The following ADGRF5 variants were observed in gnomAD, a reference collection of about 807,000 sequenced individuals.
ADGRF5 encodes the protein G-protein coupled receptor 116.
In ADGRF5, 75 loss-of-function variants were observed where a neutral mutation model predicts 132.3. The observed-to-expected ratio is 0.57, with a 90% confidence interval of 0.47 to 0.69. The LOEUF (loss-of-function observed/expected upper bound fraction) is 0.69, where lower values mean the gene tolerates loss of function less well. Among genes scored for constraint, ADGRF5 ranks in the 30% least tolerant of loss-of-function variants. The probability of loss-of-function intolerance (pLI) is 0.00; values close to 1 mark genes in which losing one functional copy is unlikely to be tolerated. For missense variants in ADGRF5, 1,516 were observed against 1,630.6 expected (o/e 0.93, Z 1.21); for synonymous variants, 629 against 597.6 (o/e 1.05, Z -0.77).
In ADGRF5 at chr6:46,868,884, A is replaced by G. The variant is rs762726169; in HGVS notation, c.1620T>C (p.Asn540=). The G allele has an allele frequency of 1.9e-6, 3 of 1,600,404 alleles. No individual in the cohort carries two copies. Among genetic ancestry groups the G allele is most frequent in the South Asian group, 1.1e-5 (1 of 90,710 alleles). The change falls in exon 12 of 21, where the codon AAT becomes AAC. Residue 540 remains asparagine (N), a splice_region_variant and synonymous_variant. Transcript: ENST00000283296. ...TACGGTGTCCGGCCTTTCACTCACC[A>G]TTCCACTCCCTGGTCGAGGTCTTGA... ...LTVKTSTREW[N]GTYHCIFRYK... is the part of the protein sequence containing the mutation.
intron 1 of ADGRF5, among the ~76,000 whole-genome samples, chr6:46,937,094 A>G (rs1777872545): frequency 6.6e-6 from 1 of 152,160 alleles, no homozygotes; most frequent in African/African-American, 2.4e-5. Flanking sequence ...ACCCTTTGAG[A>G]ATGTCACTTC....
rs1328730145 is a variant in ADGRF5, at chr6:46,899,907, G to T, written c.157+122C>A. Reference sequence around the variant, plus strand: ...AGTAATTATTTTTGGAAATCACACTGCACTATATGACCCTGATGTGATTGG... The same window carrying T: ...AGTAATTATTTTTGGAAATCACACTTCACTATATGACCCTGATGTGATTGG... On this transcript the variant is annotated intron_variant, in intron 3 of 20. Transcript: ENST00000283296. 2.1e-5 allele frequency: 15 copies of T among 713,466 alleles called. No homozygotes were observed. The East Asian group carries it at 3.6e-4, about 17-fold the overall frequency. 44.2% of individuals were successfully genotyped at this position (713,466 alleles called of 1,614,324 possible).
At chr6:46,905,213 G>A (rs767713626) in intron 2 of ADGRF5, 9 of 152,232 alleles carry the variant, frequency 5.9e-5, no homozygotes, top group Non-Finnish European at 1.3e-4. Context: ...CACTGACTAT[G>A]TGAATTCACA....
At position 46,906,658 on chromosome 6, in the gene ADGRF5, C is replaced by G; in HGVS notation, c.102+3G>C. The G allele has an allele frequency of 7.0e-7, 1 of 1,420,248 alleles. No individual in the cohort carries two copies. Among genetic ancestry groups the G allele is most frequent in the East Asian group, 2.3e-5 (1 of 43,880 alleles). 88.0% of individuals were successfully genotyped at this position (1,420,248 alleles called of 1,614,324 possible). On this transcript the variant is annotated splice_donor_region_variant and intron_variant, in intron 2 of 20. Coordinates refer to ENST00000283296, the MANE Select transcript of ADGRF5 (RefSeq NM_001098518.2). ...AATTATAGCAGATATGGATATAACT[C>G]ACCAAAGGATGAATAGTAGACTCGT...
rs1453448021 is a variant in ADGRF5, at chr6:46,888,625, C to A, written c.158-120G>T. 2.5e-5 allele frequency: 17 copies of A among 690,058 alleles called. No individual in the cohort carries two copies. In the Admixed American group the frequency reaches 4.1e-4, roughly 17 times the overall value. The allele number at this position is 690,058 out of a possible 1,614,324, so 42.7% of individuals were successfully genotyped here. A position where few individuals can be genotyped will look rare whatever the true frequency, so the allele number is the denominator to read the frequency against. On this transcript the variant is annotated intron_variant, in intron 3 of 20. Transcript: ENST00000283296. The stretch of plus-strand genomic sequence containing the variant: ...ACATGTGAATGGTTGGTCTATCAAC[C>A]CTTAGGAATTTCTAATGAAATCTTT...
intron 3 of ADGRF5, among the ~76,000 whole-genome samples, chr6:46,897,172 A>G (rs1007842014): frequency 6.6e-6 from 1 of 151,804 alleles, no homozygotes; most frequent in African/African-American, 2.4e-5. Flanking sequence ...ACACACACAC[A>G]CACACATATA....
intron 1 of ADGRF5, among the ~76,000 whole-genome samples, chr6:46,910,709 A>C (rs34678007): frequency 0.14 from 21,737 of 151,318 alleles, 1,671 homozygotes; most frequent in Admixed American, 0.23. Flanking sequence ...AACCAACCAA[A>C]CAAACAAACA....
In ADGRF5 at chr6:46,856,974, G is replaced by A; in HGVS notation, c.3775-66C>T. On this transcript the variant is annotated intron_variant, in intron 17 of 20. Coordinates refer to ENST00000283296, the MANE Select transcript of ADGRF5 (RefSeq NM_001098518.2). ...AGTCTATTGTCCAGCAAAGGAGGAAGTACTGTTAACCTGGTGTTAAATTTG... is the reference window on the plus strand; with the variant it reads ...AGTCTATTGTCCAGCAAAGGAGGAAATACTGTTAACCTGGTGTTAAATTTG... The A allele has an allele frequency of 2.4e-6, 3 of 1,269,452 alleles. No individual in the cohort carries two copies. The South Asian group carries it at 3.7e-5, about 16-fold the overall frequency. 78.6% of individuals were successfully genotyped at this position (1,269,452 alleles called of 1,614,324 possible).
In ADGRF5 at chr6:46,856,628, C is replaced by T. The variant is rs566361162; in HGVS notation, c.3876+90G>A. On this transcript the variant is annotated intron_variant, in intron 19 of 20. Transcript: ENST00000283296. ...TATTTAGCCTAATTGATCAAAATCC[C>T]AAAGAAAAAATTTAGTACTCTGTAC... is the stretch of plus-strand genomic sequence containing the variant. The T allele has an allele frequency of 1.6e-4, 138 of 881,654 alleles. No homozygotes were observed. In the South Asian group the frequency reaches 2.0e-3, roughly 13 times the overall value. The allele number at this position is 881,654 out of a possible 1,614,324, so 54.6% of individuals were successfully genotyped here. A position where few individuals can be genotyped will look rare whatever the true frequency, so the allele number is the denominator to read the frequency against.
intron 15 of ADGRF5, 146 bp from the exon 16 acceptor site, chr6:46,861,040 C>T: frequency 1.6e-6 from 1 of 622,274 alleles, no homozygotes; most frequent in Non-Finnish European, 2.8e-6. Flanking sequence ...AGATGATGTG[C>T]TTATCCCTTA....
At chr6:46,910,813 G>A (rs959326089) in intron 1 of ADGRF5, among the ~76,000 whole-genome samples, 1 of 152,100 alleles carries the variant, frequency 6.6e-6, no homozygotes, top group African/African-American at 2.4e-5. Context: ...TGTGTGATGT[G>A]GGGCAAGTCA....
At chr6:46,943,278 A>G (rs1778168156) in intron 1 of ADGRF5, among the ~76,000 whole-genome samples, 1 of 152,222 alleles carries the variant, frequency 6.6e-6, no homozygotes, top group Non-Finnish European at 1.5e-5. Context: ...GGTTCGATCT[A>G]CAGTCACACA....
chr6:46,940,793 G>A (rs1778019393), intron 1 of ADGRF5, among the ~76,000 whole-genome samples: 1 of 152,162 alleles, frequency 6.6e-6, no homozygotes, highest in South Asian at 2.1e-4. Context: ...AAATGAACCA[G>A]AATATCAGGA....
At chr6:46,938,691 C>T (rs959076103) in intron 1 of ADGRF5, among the ~76,000 whole-genome samples, 1 of 152,064 alleles carries the variant, frequency 6.6e-6, no homozygotes, top group Non-Finnish European at 1.5e-5. Context: ...TGTGAGTTCC[C>T]CCGCCTAGAG....
At chr6:46,912,670 T>C (rs1776059118) in intron 1 of ADGRF5, among the ~76,000 whole-genome samples, 2 of 152,132 alleles carry the variant, frequency 1.3e-5, no homozygotes, top group Admixed American at 6.5e-5. Flanking sequence ...GCCAAGATGA[T>C]TGGAAATTGT....
At chr6:46,922,992 T>C (rs183204753), upstream of ADGRF5, among the ~76,000 whole-genome samples, 34 of 152,330 alleles carry the variant, frequency 2.2e-4, no homozygotes, top group Admixed American at 1.4e-3. Flanking sequence ...AGTGGCGCGA[T>C]CTTGGCTCAC....
chr6:46,941,428 AAAGAAAAGAAAAG>A (rs1256627764), intron 1 of ADGRF5, among the ~76,000 whole-genome samples: 1 of 58,906 alleles, frequency 1.7e-5, no homozygotes, highest in African/African-American at 5.9e-5. Flanking sequence ...AAAGAAAAGA[AAAGAAAAGAAAAG>A]AAAAGAAAAG....
rs1025533623 is a variant in ADGRF5, at chr6:46,854,904, A to AT, written c.3962-834_3962-833insA. On this transcript the variant is annotated intron_variant, in intron 20 of 20. Transcript: ENST00000283296. Reference sequence around the variant, plus strand: ...GTAATTCATCAAATTGAAGCAGAAAAAACCCAAGTCCTGTGGAGTTTTAAC... The same window carrying AT: ...GTAATTCATCAAATTGAAGCAGAAAATAACCCAAGTCCTGTGGAGTTTTAAC... The AT allele has an allele frequency of 1.4e-4, 58 of 426,936 alleles. 2 individuals carry two copies. Among genetic ancestry groups the AT allele is most frequent in the South Asian group, 9.8e-4 (52 of 52,844 alleles). The allele number at this position is 426,936 out of a possible 1,614,324, so 26.4% of individuals were successfully genotyped here. A position where few individuals can be genotyped will look rare whatever the true frequency, so the allele number is the denominator to read the frequency against.
intron 1 of ADGRF5, among the ~76,000 whole-genome samples, chr6:46,944,285 G>T (rs1436570161): frequency 6.6e-6 from 1 of 152,172 alleles, no homozygotes; most frequent in Non-Finnish European, 1.5e-5. Flanking sequence ...TCAAGCTCCG[G>T]TGAGAATCGA....
Sources: gnomAD v4.1 joint callset for allele counts (sites outside exome capture counted in the v4.1 genomes callset) on GRCh38, gnomAD v4.1.1 for gene constraint, MANE v1.5 for transcripts, NCBI Gene and HGNC (gene_info 2026-07-23, HGNC 2026-07-21) for gene names.